ASPM: variants seen among roughly 807,000 people sequenced by gnomAD.
The protein encoded by ASPM is assembly factor for spindle microtubules.
Under a neutral mutation model 366.4 loss-of-function variants are expected in ASPM, and 256 were observed. That is an observed-to-expected ratio of 0.70 (90% CI 0.63 to 0.77). The LOEUF (loss-of-function observed/expected upper bound fraction) is 0.77. Ranked by LOEUF, ASPM falls within the 30% of genes least tolerant of loss-of-function variation. The pLI is 0.00. For synonymous variants in ASPM, 1,414 were observed against 1,342.9 expected, an observed-to-expected ratio of 1.05 and a Z score of -1.16; for missense variants, 4,146 against 4,090.4, an observed-to-expected ratio of 1.01 and a Z score of -0.37.
rs190020283 is a variant in ASPM at position 197,093,986 on chromosome 1, C to T, written c.9084+98G>A. The T allele has an allele frequency of 5.8e-4, 474 of 815,064 alleles. 1 individual carries two copies. The highest frequency in any genetic ancestry group is 1.4e-3 in the South Asian group (75 of 53,280). 50.5% of individuals were successfully genotyped at this position (815,064 alleles called of 1,614,324 possible). A position where few individuals can be genotyped will look rare whatever the true frequency, so the allele number is the denominator to read the frequency against. ...GGTCTTAAAAACACTTTTTTTCCAG[C>T]GAAGGATTTATTTTTAAAAATTAAA... On this transcript the variant is annotated intron_variant, in intron 20 of 27. Transcript: ENST00000367409.
intron 16 of ASPM, among the ~76,000 whole-genome samples, chr1:197,121,682 G>A (rs1657907898): frequency 6.6e-6 from 1 of 152,090 alleles, no homozygotes; most frequent in Non-Finnish European, 1.5e-5. Context: ...CTCTTCCCCT[G>A]GAACAGACTA....
chr1:197,100,044 T>C (rs1026529063), intron 18 of ASPM, among the ~76,000 whole-genome samples: 1 of 151,766 alleles, frequency 6.6e-6, no homozygotes, highest in African/African-American at 2.4e-5. Context: ...GTTAATAGAT[T>C]ATTAGAGGAA....
chr1:197,105,180 A>C lies in ASPM; in HGVS notation c.4071T>G (p.Tyr1357Ter). ...TTTGTCTAGTGGAATATCTTCTCCA[A>C]TATCCCTGGAAAAGGTAAGAAAGGA... ...QNKAASLIQG[Y>*]WRRYSTRQRF... Residue 1357 changes from tyrosine to a stop codon, truncating the protein, a stop_gained, in exon 18 of 28, where the codon TAT becomes TAG. Coordinates refer to ENST00000367409, the MANE Select transcript of ASPM (RefSeq NM_018136.5). LOFTEE classifies it high-confidence loss of function. 6.2e-7 allele frequency: 1 copy of C among 1,601,996 alleles called. No homozygotes were observed. The highest frequency in any genetic ancestry group is 1.3e-5 in the African/African-American group (1 of 74,686).
rs757443476 is a variant in ASPM at position 197,102,784 on chromosome 1, C to T, written c.6467G>A (p.Gly2156Asp). The change falls in exon 18 of 28, where the codon GGT becomes GAT. Residue 2156 changes from glycine (G) to aspartate (D), a missense_variant. Coordinates refer to ENST00000367409, the MANE Select transcript of ASPM (RefSeq NM_018136.5). ...CAGGTACTTTTCACGCTGCATTTTA[C>T]CTTGATAATATGCTCTACATCTTAC... ...IQVRCRAYYQ[G>D]KMQREKYLTI... 3 of 1,612,338 alleles carry T rather than the reference C, an allele frequency of 1.9e-6. No individual in the cohort carries two copies. Among genetic ancestry groups the T allele is most frequent in the East Asian group, 2.2e-5 (1 of 44,810 alleles).
At chr1:197,117,448 T>C (rs904678029) in intron 17 of ASPM, among the ~76,000 whole-genome samples, 5 of 152,066 alleles carry the variant, frequency 3.3e-5, no homozygotes, top group Non-Finnish European at 7.4e-5. Context: ...TTTCCAGGAC[T>C]CAAAGCAAAG....
rs1372806115 is a variant in ASPM, at chr1:197,122,272, G to A, written c.3628C>T (p.Leu1210=). The change falls in exon 15 of 28, where the codon CTA becomes TTA. Residue 1210 remains leucine, a synonymous_variant. Transcript: ENST00000367409. ...ENTSELYKEL[L]ENEKKNFHLV... ...TGAAAATTTTTCTTTTCATTTTCTA[G>A]GAGCTCTTTGTATAGCTCTGAAGTA... 1 of 1,613,564 alleles carries A rather than the reference G, an allele frequency of 6.2e-7. No homozygotes were observed. The highest frequency in any genetic ancestry group is 1.1e-5 in the South Asian group (1 of 91,078).
At chr1:197,115,694 G>A (rs545472535) in intron 17 of ASPM, among the ~76,000 whole-genome samples, 14 of 152,260 alleles carry the variant, frequency 9.2e-5, no homozygotes, top group Admixed American at 9.2e-4. Flanking sequence ...CAGGAGTACT[G>A]TCAATTAACA....
intron 4 of ASPM, among the ~76,000 whole-genome samples, chr1:197,136,242 A>C (rs557914155): frequency 1.4e-4 from 21 of 152,212 alleles, no homozygotes; most frequent in Non-Finnish European, 2.2e-4. Context: ...AGAAGCATTA[A>C]AGTCCTTCAG....
intron 1 of ASPM, among the ~76,000 whole-genome samples, chr1:197,145,504 C>T (rs1658736384): frequency 6.6e-6 from 1 of 151,570 alleles, no homozygotes; most frequent in South Asian, 2.1e-4. Flanking sequence ...GGCATTTAGC[C>T]AGAACAAAGC....
At chr1:197,092,307 A>C (rs1656811161) in intron 21 of ASPM, among the ~76,000 whole-genome samples, 1 of 151,906 alleles carries the variant, frequency 6.6e-6, no homozygotes, top group Non-Finnish European at 1.5e-5. Context: ...CTAAATAACC[A>C]TAGCTTCTAA....
Position 197,143,522 on chromosome 1 carries a change from A to C in ASPM, c.730T>G (p.Ser244Ala). ...GCATGAAGAGATGAGTAGGTAGTAGATCGACGTACAGAGAGTGGCAAGCAA... is the reference window on the plus strand; with the variant it reads ...GCATGAAGAGATGAGTAGGTAGTAGCTCGACGTACAGAGAGTGGCAAGCAA... Reference protein sequence around the residue: ...ATCLPLSVRRSTTYSSLHASE... With the variant: ...ATCLPLSVRRATTYSSLHASE... Residue 244 changes from serine to alanine, a missense_variant, in exon 3 of 28, where the codon TCT becomes GCT. Coordinates refer to ENST00000367409, the MANE Select transcript of ASPM (RefSeq NM_018136.5). 1 of 1,614,000 alleles carries C rather than the reference A, an allele frequency of 6.2e-7. No homozygotes were observed. The highest frequency in any genetic ancestry group is 8.5e-7 in the Non-Finnish European group (1 of 1,179,938).
rs778339519 is a variant in ASPM at position 197,142,388 on chromosome 1, T to C, written c.1864A>G (p.Thr622Ala). 5.6e-6 allele frequency: 9 copies of C among 1,613,936 alleles called. No homozygotes were observed. Among genetic ancestry groups the C allele is most frequent in the Non-Finnish European group, 7.6e-6 (9 of 1,179,834 alleles). ...TTGCTAATACGTTTTGAGATGGGTG[T>C]TGTCACATTTTTTGTTTTCTTAACA... ...SAVKKTKNVT[T>A]PISKRISNRE... The change falls in exon 3 of 28, where the codon ACA becomes GCA. Residue 622 changes from threonine to alanine, a missense_variant. Physicochemically the swap from Thr to Ala is moderately conservative, Grantham distance 58. This residue lies in a region of ASPM where 3,624 missense variants were observed against 3,591.7 expected (regional missense o/e 1.01). Coordinates refer to ENST00000367409, the MANE Select transcript of ASPM (RefSeq NM_018136.5).
intron 4 of ASPM, chr1:197,138,746 G>T (rs1443345704): frequency 4.6e-5 from 33 of 712,396 alleles, no homozygotes; most frequent in South Asian, 4.6e-4. Flanking sequence ...TAAGAGAAAC[G>T]ATTATTTCTT....
At chr1:197,117,156 T>C (rs1657760607) in intron 17 of ASPM, among the ~76,000 whole-genome samples, 1 of 152,052 alleles carries the variant, frequency 6.6e-6, no homozygotes, top group Non-Finnish European at 1.5e-5. Context: ...ACACAAAAAC[T>C]TTCAAATTCA....
At chr1:197,112,716 C>A (rs944048492) in intron 17 of ASPM, among the ~76,000 whole-genome samples, 3 of 152,090 alleles carry the variant, frequency 2.0e-5, no homozygotes, top group African/African-American at 4.8e-5. Flanking sequence ...GGTCTTCCTG[C>A]CTTTGTCTCA....
At chr1:197,126,937 G>T (rs1175496852) in intron 10 of ASPM, among the ~76,000 whole-genome samples, 1 of 152,066 alleles carries the variant, frequency 6.6e-6, no homozygotes, top group Non-Finnish European at 1.5e-5. Context: ...CTGAATATTG[G>T]CAAGTTTTTA....
intron 13 of ASPM, among the ~76,000 whole-genome samples, chr1:197,123,533 T>G (rs1430939857): frequency 6.6e-6 from 1 of 152,208 alleles, no homozygotes; most frequent in Non-Finnish European, 1.5e-5. Flanking sequence ...TTAACAATTT[T>G]TGTACTAATA....
At chr1:197,142,310 G>A in intron 3 of ASPM, 21 bp downstream of exon 3, 1 of 1,610,768 alleles carries the variant, frequency 6.2e-7, no homozygotes, top group Non-Finnish European at 8.5e-7. Context: ...TACTTCAGTA[G>A]ATTTTATAAA....
At position 197,146,477 on chromosome 1, in the gene ASPM, C is replaced by A. The variant is rs1424452300; in HGVS notation, c.-40G>T. On this transcript the variant is annotated 5_prime_UTR_variant, in exon 1 of 28. Coordinates refer to ENST00000367409, the MANE Select transcript of ASPM (RefSeq NM_018136.5). ...CCCTCCTGGATCTCCTTGCCCCGCT[C>A]CCACGAGGCGGCTCCGGAGCGGGGA... is the stretch of plus-strand genomic sequence containing the variant. 2 of 1,596,264 alleles carry A rather than the reference C, an allele frequency of 1.3e-6. No homozygotes were observed. The highest frequency in any genetic ancestry group is 1.7e-6 in the Non-Finnish European group (2 of 1,176,902).
Sources: allele counts gnomAD v4.1 joint callset (sites outside exome capture counted in the v4.1 genomes callset), GRCh38; gene constraint gnomAD v4.1.1; regional missense constraint gnomAD v4.1.1; transcripts MANE v1.5; gene names NCBI Gene and HGNC (gene_info 2026-07-23, HGNC 2026-07-21).